Variants in ASIC2 observed in about 807,000 individuals in gnomAD.
The protein encoded by ASIC2 is acid-sensing ion channel 2.
ASIC2 carries 25 observed loss-of-function variants against 57.3 expected under a neutral mutation model. The observed-to-expected ratio is 0.44, with a 90% CI of 0.32 to 0.61. The LOEUF is 0.61. Among genes scored for constraint, ASIC2 ranks in the 20% least tolerant of loss-of-function variants. The pLI is 0.06. For missense variants in ASIC2, 641 were observed against 738.1 expected, an observed-to-expected ratio of 0.87 and a Z score of 1.52; for synonymous variants, 319 against 307.5, an observed-to-expected ratio of 1.04 and a Z score of -0.39.
intron 1 of ASIC2, among the ~76,000 whole-genome samples, chr17:33,833,667 G>T (rs754414534): frequency 9.9e-5 from 15 of 152,180 alleles, no homozygotes; most frequent in Admixed American, 5.9e-4. Context: ...AAGAGACCTA[G>T]ACCAGAAGTT....
At chr17:33,522,350 C>T (rs1311356005) in intron 1 of ASIC2, among the ~76,000 whole-genome samples, 2 of 152,232 alleles carry the variant, frequency 1.3e-5, no homozygotes, top group Non-Finnish European at 2.9e-5. Context: ...TCTGAGAAAC[C>T]GAGTCTTCCC....
chr17:33,049,232 T>C (rs1598252947), intron 3 of ASIC2, among the ~76,000 whole-genome samples: 2 of 152,280 alleles, frequency 1.3e-5, no homozygotes, highest in East Asian at 1.9e-4. Context: ...AGTGACTTCT[T>C]TGTCAATATT....
At chr17:33,966,911 G>A (rs112285945) in intron 1 of ASIC2, among the ~76,000 whole-genome samples, 2,696 of 151,598 alleles carry the variant, frequency 0.018, 95 homozygotes, top group African/African-American at 0.062. Flanking sequence ...ATGACCCCCC[G>A]CACCCACCCC....
At chr17:33,154,956 A>C (rs1904938477) in intron 1 of ASIC2, among the ~76,000 whole-genome samples, 1 of 152,210 alleles carries the variant, frequency 6.6e-6, no homozygotes, top group African/African-American at 2.4e-5. Context: ...AATTGCGCTG[A>C]GGGACACTGA....
intron 2 of ASIC2, among the ~76,000 whole-genome samples, chr17:33,091,552 C>A (rs1162184498): frequency 9.9e-5 from 15 of 152,114 alleles, no homozygotes; most frequent in Admixed American, 8.5e-4. Context: ...GAAATGAAGG[C>A]TTCCTGTCAG....
chr17:33,381,029 C>A (rs573720963), intron 1 of ASIC2, among the ~76,000 whole-genome samples: 1 of 152,178 alleles, frequency 6.6e-6, no homozygotes, highest in South Asian at 2.1e-4. Context: ...AATCTCGGCT[C>A]ACAGTTCGAG....
intron 1 of ASIC2, among the ~76,000 whole-genome samples, chr17:34,093,675 A>C (rs1318279913): frequency 6.6e-6 from 1 of 152,222 alleles, no homozygotes; most frequent in Non-Finnish European, 1.5e-5. Flanking sequence ...GATGCACTTA[A>C]CTTGCAATTA....
intron 1 of ASIC2, among the ~76,000 whole-genome samples, chr17:33,443,178 T>G (rs1911883921): frequency 6.6e-6 from 1 of 152,174 alleles, no homozygotes; most frequent in Non-Finnish European, 1.5e-5. Context: ...TAGAAAATTT[T>G]GCATCTAAGT....
chr17:33,431,327 T>C (rs1182690984), intron 1 of ASIC2, among the ~76,000 whole-genome samples: 1 of 151,874 alleles, frequency 6.6e-6, no homozygotes, highest in Non-Finnish European at 1.5e-5. Context: ...AAGAAAGAGG[T>C]CAGGAGTGGT....
At chr17:33,199,942 T>A (rs1426875327) in intron 1 of ASIC2, among the ~76,000 whole-genome samples, 6 of 152,078 alleles carry the variant, frequency 3.9e-5, no homozygotes. Flanking sequence ...GCGTTCCCTA[T>A]CCCCTGGAGC....
intron 1 of ASIC2, among the ~76,000 whole-genome samples, chr17:33,556,394 A>C (rs1915909848): frequency 6.6e-6 from 1 of 152,234 alleles, no homozygotes; most frequent in African/African-American, 2.4e-5. Flanking sequence ...TGGCTTGAGA[A>C]TGACAGCACG....
intron 1 of ASIC2, among the ~76,000 whole-genome samples, chr17:33,273,754 G>A (rs1904597685): frequency 6.6e-6 from 1 of 152,092 alleles, no homozygotes; most frequent in Non-Finnish European, 1.5e-5. Flanking sequence ...ACTTGCCCAA[G>A]GTCACGCTCA....
chr17:33,743,096 C>T (rs983850685), intron 1 of ASIC2, among the ~76,000 whole-genome samples: 7 of 152,210 alleles, frequency 4.6e-5, no homozygotes, highest in Admixed American at 1.3e-4. Flanking sequence ...TGCAAATAAT[C>T]CTGGACTTAG....
intron 1 of ASIC2, among the ~76,000 whole-genome samples, chr17:33,783,244 G>A (rs190136963): frequency 4.6e-5 from 7 of 152,256 alleles, no homozygotes; most frequent in East Asian, 3.9e-4. Context: ...CTCCTTCACC[G>A]TTGTGGTTAA....
At chr17:33,645,175 T>C (rs1443930867) in intron 1 of ASIC2, among the ~76,000 whole-genome samples, 3 of 152,196 alleles carry the variant, frequency 2.0e-5, no homozygotes, top group Non-Finnish European at 2.9e-5. Flanking sequence ...GTGAGCTCCA[T>C]GAGCAAAACG....
At chr17:33,799,466 CT>C (rs1249772240) in intron 1 of ASIC2, among the ~76,000 whole-genome samples, 1 of 127,320 alleles carries the variant, frequency 7.9e-6, no homozygotes, top group Non-Finnish European at 1.7e-5. Context: ...TTCTTTCTTT[CT>C]TTCTTTCTTT....
At chr17:33,130,113 C>T (rs1444809360) in intron 1 of ASIC2, among the ~76,000 whole-genome samples, 1 of 152,174 alleles carries the variant, frequency 6.6e-6, no homozygotes, top group Non-Finnish European at 1.5e-5. Flanking sequence ...CTCTGGGTGT[C>T]TTCTTTAGCC....
chr17:34,129,486 C>T (rs752042882), intron 1 of ASIC2, among the ~76,000 whole-genome samples: 10 of 152,188 alleles, frequency 6.6e-5, no homozygotes, highest in Non-Finnish European at 1.2e-4. Flanking sequence ...AGGGTAGGAA[C>T]CTCTTCCACA....
At chr17:33,794,577 T>C (rs1330209218) in intron 1 of ASIC2, 4 of 152,188 alleles carry the variant, frequency 2.6e-5, no homozygotes, top group African/African-American at 9.6e-5. Context: ...CCTGTTCTTT[T>C]GTTTTGGAAA....
Sources: allele counts gnomAD v4.1 joint callset (sites outside exome capture counted in the v4.1 genomes callset), GRCh38; gene constraint gnomAD v4.1.1; transcripts MANE v1.5; gene names NCBI Gene and HGNC (gene_info 2026-07-23, HGNC 2026-07-21).